The following CDH13 variants were observed in gnomAD, a reference collection of about 807,000 sequenced individuals.
The protein encoded by CDH13 is cadherin 13.
CDH13 carries 24 observed loss-of-function variants against 63.8 expected under a neutral mutation model. That is an observed-to-expected ratio of 0.38 (90% CI 0.27 to 0.53). The LOEUF (loss-of-function observed/expected upper bound fraction) is 0.53. CDH13 is among the 20% of genes least tolerant of loss of function. The pLI is 0.85. For synonymous variants in CDH13, 503 were observed against 355.3 expected (o/e 1.42, Z -4.67); for missense variants, 1,049 against 903.1 (o/e 1.16, Z -2.07).
rs1917892977 is a variant in CDH13, at chr16:83,047,353, A to C, written c.366+15135A>C. On this transcript the variant is annotated intron_variant, in intron 3 of 13. Coordinates refer to ENST00000567109, the MANE Select transcript of CDH13 (RefSeq NM_001257.5). This position sits in a 1 kb window ranked among gnomAD's most constrained non-coding sequence, Gnocchi z 4.9. ...CATTCTCGTAAACCGTGGTTAACAC[A>C]GATAATTGAGACTTGAGTGCTTTTT... Among the ~76,000 whole-genome samples the C allele has an allele frequency of 1.3e-5, 2 of 152,210 alleles. No homozygotes were observed. The highest frequency in any genetic ancestry group is 4.8e-5 in the African/African-American group (2 of 41,460).
intron 6 of CDH13, among the ~76,000 whole-genome samples, chr16:83,426,144 A>C (rs17215566): frequency 6.6e-6 from 1 of 151,874 alleles, no homozygotes; most frequent in Non-Finnish European, 1.5e-5. Flanking sequence ...TCTTTCATCC[A>C]TTCCTTCTCT....
intron 10 of CDH13, among the ~76,000 whole-genome samples, chr16:83,736,896 G>A (rs1171748369): frequency 6.6e-6 from 1 of 152,228 alleles, no homozygotes; most frequent in Admixed American, 6.5e-5. Context: ...AGACTTGCTT[G>A]CCTGGAACAG....
At chr16:83,131,266 C>T (rs532543832) in intron 4 of CDH13, among the ~76,000 whole-genome samples, 47 of 142,816 alleles carry the variant, frequency 3.3e-4, no homozygotes, top group African/African-American at 1.2e-3. Flanking sequence ...ATGAGTTTGC[C>T]TCCTAATTTC....
intron 1 of CDH13, among the ~76,000 whole-genome samples, chr16:82,822,947 A>T (rs1258291137): frequency 6.6e-6 from 1 of 152,190 alleles, no homozygotes; most frequent in Non-Finnish European, 1.5e-5. Flanking sequence ...AGTCATCTGG[A>T]AGTGCGCTCG....
intron 1 of CDH13, among the ~76,000 whole-genome samples, chr16:82,697,767 G>GTA (rs1409477370): frequency 4.4e-4 from 65 of 147,930 alleles, no homozygotes; most frequent in African/African-American, 1.6e-3. Flanking sequence ...GTGTGTGTGT[G>GTA]TGTGTGTGTG....
chr16:83,448,419 G>C (rs1246250119), intron 6 of CDH13, among the ~76,000 whole-genome samples: 2 of 152,044 alleles, frequency 1.3e-5, no homozygotes, highest in South Asian at 2.1e-4. Context: ...CATGACACTG[G>C]GTCAGATCTC....
At chr16:83,400,769 T>G (rs1417215223) in intron 6 of CDH13, among the ~76,000 whole-genome samples, 1 of 152,176 alleles carries the variant, frequency 6.6e-6, no homozygotes, top group Non-Finnish European at 1.5e-5. Flanking sequence ...CCACACTCTT[T>G]CCATTTGGCC....
chr16:83,174,030 A>G (rs2038025758), intron 4 of CDH13, among the ~76,000 whole-genome samples: 1 of 152,126 alleles, frequency 6.6e-6, no homozygotes, highest in African/African-American at 2.4e-5. Context: ...CTCGAGGGAA[A>G]GGAGAGGGAC....
chr16:83,271,995 G>A (rs531269867), intron 5 of CDH13, among the ~76,000 whole-genome samples: 2 of 152,092 alleles, frequency 1.3e-5, no homozygotes, highest in Non-Finnish European at 2.9e-5. Flanking sequence ...TTTGTCTTGT[G>A]CCTTACAGCT....
At chr16:83,650,976 C>T (rs1347176704) in intron 8 of CDH13, among the ~76,000 whole-genome samples, 1 of 151,632 alleles carries the variant, frequency 6.6e-6, no homozygotes, top group Admixed American at 6.6e-5. Context: ...TGTCACATGC[C>T]TGCAGTCCCA....
intron 2 of CDH13, among the ~76,000 whole-genome samples, chr16:82,992,431 T>C (rs1201478424): frequency 4.6e-5 from 7 of 152,216 alleles, no homozygotes; most frequent in Non-Finnish European, 1.5e-5. Flanking sequence ...CTAGAGTCTC[T>C]TATCAGTGAG....
At chr16:82,829,635 C>T (rs1038723980) in intron 1 of CDH13, 1 of 152,076 alleles carries the variant, frequency 6.6e-6, no homozygotes, top group African/African-American at 2.4e-5. Flanking sequence ...TCCGTTCCTT[C>T]TTACACAGCT....
intron 7 of CDH13, among the ~76,000 whole-genome samples, chr16:83,520,978 C>G (rs2074818860): frequency 6.6e-6 from 1 of 152,012 alleles, no homozygotes; most frequent in African/African-American, 2.4e-5. Flanking sequence ...ACCATCGCCT[C>G]CCAAACTTCA....
chr16:83,102,930 C>CTTTTTTTTTTTCTTTTTCTTT (rs2034562447), intron 3 of CDH13, among the ~76,000 whole-genome samples: 5 of 96,920 alleles, frequency 5.2e-5, no homozygotes, highest in African/African-American at 1.8e-4. Context: ...TTTTCTTTTT[C>CTTTTTTTTTTTCTTTTTCTTT]TTTTTTTTTT....
At chr16:83,491,010 G>A (rs1183803693) in intron 7 of CDH13, among the ~76,000 whole-genome samples, 2 of 152,228 alleles carry the variant, frequency 1.3e-5, no homozygotes, top group Non-Finnish European at 2.9e-5. Flanking sequence ...GGGTGGATGA[G>A]TGGATGACCT....
At chr16:83,454,032 C>T (rs2072956463) in intron 6 of CDH13, among the ~76,000 whole-genome samples, 1 of 152,190 alleles carries the variant, frequency 6.6e-6, no homozygotes, top group South Asian at 2.1e-4. Context: ...TTTATCCTGG[C>T]TTCTAAGGGG....
At chr16:83,628,299 G>C (rs1047594656) in intron 8 of CDH13, among the ~76,000 whole-genome samples, 11 of 152,134 alleles carry the variant, frequency 7.2e-5, no homozygotes, top group African/African-American at 2.4e-4. Context: ...GGAGAAGCAG[G>C]GTTTCCCCTT....
At chr16:83,285,520 C>A (rs942918650) in intron 5 of CDH13, among the ~76,000 whole-genome samples, 1 of 151,586 alleles carries the variant, frequency 6.6e-6, no homozygotes, top group East Asian at 1.9e-4. Context: ...GAAAAAAAAA[C>A]AGTAAAAATA....
At chr16:83,569,512 A>C (rs1904372405) in intron 7 of CDH13, among the ~76,000 whole-genome samples, 1 of 152,254 alleles carries the variant, frequency 6.6e-6, no homozygotes, top group Non-Finnish European at 1.5e-5. Flanking sequence ...TGAATAAAAT[A>C]ATACATCTAG....
Sources: allele counts gnomAD v4.1 joint callset (sites outside exome capture counted in the v4.1 genomes callset), GRCh38; gene constraint gnomAD v4.1.1; non-coding constraint Gnocchi (gnomAD v3.1); transcripts MANE v1.5; gene names NCBI Gene and HGNC (gene_info 2026-07-23, HGNC 2026-07-21).